The following SNTG2 variants were observed in gnomAD, a reference collection of about 807,000 sequenced individuals.
The protein encoded by SNTG2 is syntrophin gamma 2, also known as gamma-2-syntrophin.
SNTG2 carries 74 observed loss-of-function variants against 70.9 expected under a neutral mutation model. That is an observed-to-expected ratio of 1.04 (90% CI 0.86 to 1.27). The LOEUF is 1.27. Ranked by LOEUF, SNTG2 falls within the 50% of genes most tolerant of loss-of-function variation. The pLI is 0.00. For missense variants in SNTG2, 717 were observed against 690.7 expected (o/e 1.04, Z -0.43); for synonymous variants, 278 against 273.8 (o/e 1.02, Z -0.15).
intron 8 of SNTG2, among the ~76,000 whole-genome samples, chr2:1,203,686 ATATATGTG>A (rs1558526349): frequency 2.4e-4 from 35 of 143,018 alleles, no homozygotes; most frequent in African/African-American, 8.7e-4. Context: ...ATATATATAT[ATATATGTG>A]TGTGTGTGTG....
intron 2 of SNTG2, among the ~76,000 whole-genome samples, chr2:1,088,557 A>T (rs1200563777): frequency 6.6e-6 from 1 of 152,246 alleles, no homozygotes; most frequent in Non-Finnish European, 1.5e-5. Flanking sequence ...ACTGCATAAG[A>T]AGAATTGGCT....
intron 1 of SNTG2, among the ~76,000 whole-genome samples, chr2:1,012,078 A>G (rs1659744100): frequency 6.6e-6 from 1 of 152,364 alleles, no homozygotes; most frequent in Non-Finnish European, 1.5e-5. Flanking sequence ...AGCAATCTCT[A>G]AATCATAAGC....
chr2:963,307 A>G (rs1660415792), intron 1 of SNTG2, among the ~76,000 whole-genome samples: 1 of 151,968 alleles, frequency 6.6e-6, no homozygotes, highest in Non-Finnish European at 1.5e-5. Flanking sequence ...ATTAAAGTAG[A>G]CAGAAAAAAT....
chr2:977,227 A>T (rs1660935289), intron 1 of SNTG2, among the ~76,000 whole-genome samples: 1 of 152,214 alleles, frequency 6.6e-6, no homozygotes, highest in Non-Finnish European at 1.5e-5. Context: ...GTTTTATTTT[A>T]TGTGCAATAT....
chr2:1,365,979 A>G lies in SNTG2; in HGVS notation c.1489-1364A>G, dbSNP rs547268506. 5.1e-3 allele frequency among the ~76,000 whole-genome samples: 776 copies of G among 152,276 alleles called. 3 individuals carry two copies. The highest frequency in any genetic ancestry group is 8.3e-3 in the Non-Finnish European group (565 of 68,036). Reference sequence around the variant, plus strand: ...CCATTCTCCACCCCCTCATTCTGCCATGGAATGAAAATGACCAAGATCCTG... The same window carrying G: ...CCATTCTCCACCCCCTCATTCTGCCGTGGAATGAAAATGACCAAGATCCTG... On this transcript the variant is annotated intron_variant, in intron 16 of 16. Coordinates refer to ENST00000308624, the MANE Select transcript of SNTG2 (RefSeq NM_018968.4).
At chr2:1,010,641 CT>C (rs531531265) in intron 1 of SNTG2, among the ~76,000 whole-genome samples, 1 of 152,312 alleles carries the variant, frequency 6.6e-6, no homozygotes, top group African/African-American at 2.4e-5. Flanking sequence ...AACAGTCACA[CT>C]TTTTTTCAGA....
intron 16 of SNTG2, among the ~76,000 whole-genome samples, chr2:1,338,181 T>G (rs1292756097): frequency 6.6e-6 from 1 of 152,198 alleles, no homozygotes; most frequent in Non-Finnish European, 1.5e-5. Context: ...TTGTTTTGGC[T>G]AGTCAGGATC....
intron 4 of SNTG2, among the ~76,000 whole-genome samples, chr2:1,131,562 G>A (rs1409149217): frequency 6.6e-6 from 1 of 150,642 alleles, no homozygotes; most frequent in Non-Finnish European, 1.5e-5. Context: ...TAAAGTTTCA[G>A]AGAAAATGCA....
intron 8 of SNTG2, among the ~76,000 whole-genome samples, chr2:1,197,549 G>GTGTA (rs1553353498): frequency 1.2e-4 from 16 of 138,712 alleles, no homozygotes; most frequent in African/African-American, 3.5e-4. Flanking sequence ...GTGTGTGTGT[G>GTGTA]TATATTTGAT....
intron 9 of SNTG2, among the ~76,000 whole-genome samples, chr2:1,230,741 C>T (rs1187090330): frequency 1.3e-5 from 2 of 152,228 alleles, no homozygotes; most frequent in Admixed American, 1.3e-4. Flanking sequence ...GCCCGGGCCC[C>T]ACACTCAGCA....
intron 12 of SNTG2, among the ~76,000 whole-genome samples, chr2:1,258,223 C>G (rs1678231039): frequency 6.6e-6 from 1 of 152,168 alleles, no homozygotes; most frequent in Non-Finnish European, 1.5e-5. Context: ...CATGGCTCCC[C>G]AGCTCTCAAG....
chr2:1,355,755 AC>A (rs1660817616), intron 16 of SNTG2, among the ~76,000 whole-genome samples: 1 of 151,206 alleles, frequency 6.6e-6, no homozygotes, highest in Non-Finnish European at 1.5e-5. Flanking sequence ...TTTTTGAGAA[AC>A]CCCCATACTA....
intron 1 of SNTG2, among the ~76,000 whole-genome samples, chr2:1,056,876 C>G: frequency 1.1e-5 from 1 of 92,916 alleles, no homozygotes; most frequent in Admixed American, 1.2e-4. Flanking sequence ...CACGGCGCCC[C>G]GCTGTGCTGT....
chr2:1,153,239 C>T (rs980840074), intron 6 of SNTG2, among the ~76,000 whole-genome samples: 1 of 152,076 alleles, frequency 6.6e-6, no homozygotes, highest in Admixed American at 6.5e-5. Context: ...AGTAAGAAAC[C>T]GTGACATCTT....
intron 4 of SNTG2, among the ~76,000 whole-genome samples, chr2:1,102,394 T>C (rs1463846900): frequency 6.6e-6 from 1 of 152,140 alleles, no homozygotes; most frequent in Non-Finnish European, 1.5e-5. Flanking sequence ...TGCCGTGCCC[T>C]GCCCTTCTGG....
At chr2:1,154,916 C>T (rs904489226) in intron 6 of SNTG2, among the ~76,000 whole-genome samples, 2 of 149,302 alleles carry the variant, frequency 1.3e-5, no homozygotes, top group African/African-American at 5.0e-5. Context: ...CATACACACA[C>T]ACAACACAAA....
intron 9 of SNTG2, among the ~76,000 whole-genome samples, chr2:1,233,048 C>A (rs1240512767): frequency 6.6e-6 from 1 of 152,228 alleles, no homozygotes; most frequent in Non-Finnish European, 1.5e-5. Context: ...TGAAGGCCAC[C>A]AGCCATCATT....
chr2:1,061,089 C>G (rs1038474761), intron 1 of SNTG2, among the ~76,000 whole-genome samples: 3 of 121,308 alleles, frequency 2.5e-5, no homozygotes, highest in African/African-American at 8.7e-5. Flanking sequence ...ACCCATGTTT[C>G]CAAAAAAAAA....
In SNTG2 at chr2:1,139,531, C is replaced by T. The variant is rs1260563886; in HGVS notation, c.411+1722C>T. Among the ~76,000 whole-genome samples, 17 of 152,244 alleles carry T rather than the reference C, an allele frequency of 1.1e-4. No individual in the cohort carries two copies. In the South Asian group the frequency reaches 1.2e-3, roughly 11 times the overall value. On this transcript the variant is annotated intron_variant, in intron 6 of 16. Transcript: ENST00000308624. ...GATTACAGGTGTGAGCTGCCACACT[C>T]GGCCACAACAAATTTTTGCACCAGT...
Sources: allele counts gnomAD v4.1 joint callset (sites outside exome capture counted in the v4.1 genomes callset), GRCh38; gene constraint gnomAD v4.1.1; transcripts MANE v1.5; gene names NCBI Gene and HGNC (gene_info 2026-07-23, HGNC 2026-07-21).